ANKS3: variants seen among roughly 807,000 people sequenced by gnomAD.
ANKS3 encodes the protein ankyrin repeat and sterile alpha motif domain containing 3, also known as ankyrin repeat and SAM domain-containing protein 3.
ANKS3 carries 62 observed loss-of-function variants against 80.7 expected under a neutral mutation model. The observed-to-expected ratio is 0.77, with a 90% CI of 0.63 to 0.95. The LOEUF (loss-of-function observed/expected upper bound fraction) is 0.95. Ranked by LOEUF, ANKS3 falls within the 40% of genes least tolerant of loss-of-function variation. The probability of loss-of-function intolerance (pLI) is 0.00; values close to 1 mark genes in which losing one functional copy is unlikely to be tolerated. For synonymous variants in ANKS3, 489 were observed against 355.3 expected (o/e 1.38, Z -4.23); for missense variants, 1,150 against 883.6 (o/e 1.30, Z -3.82).
intron 14 of ANKS3, 80 bp from the exon 15 acceptor site, chr16:4,698,142 G>A (rs982830687): frequency 2.1e-6 from 3 of 1,456,090 alleles, no homozygotes; most frequent in Non-Finnish European, 2.8e-6. Context: ...TTCTAGGGGA[G>A]GGAGGGGCTC....
chr16:4,705,049 C>G, intron 8 of ANKS3, 46 bp downstream of exon 8: 1 of 1,597,470 alleles, frequency 6.3e-7, no homozygotes, highest in Non-Finnish European at 8.5e-7. Flanking sequence ...ACACAAAATC[C>G]TGGTATGCAA....
chr16:4,697,260 C>G (rs1029689778), intron 16 of ANKS3, 73 bp downstream of exon 16: 1 of 1,550,836 alleles, frequency 6.4e-7, no homozygotes, highest in Admixed American at 1.8e-5. Context: ...AACCCGCTTT[C>G]CCTGGAAAGG....
intron 3 of ANKS3, 64 bp from the exon 4 acceptor site, chr16:4,727,241 G>A: frequency 1.3e-6 from 2 of 1,559,404 alleles, no homozygotes; most frequent in South Asian, 1.1e-5. Context: ...CACCAAAGCT[G>A]GTGGCGAGGC....
At chr16:4,726,487 G>A (rs937409064) in intron 5 of ANKS3, among the ~76,000 whole-genome samples, 172 bp downstream of exon 5, 5 of 152,248 alleles carry the variant, frequency 3.3e-5, no homozygotes, top group Non-Finnish European at 7.3e-5. Context: ...GCATCTCACA[G>A]ATGTACGAAA....
At chr16:4,698,145 A>G in intron 14 of ANKS3, 83 bp from the exon 15 acceptor site, 1 of 1,439,862 alleles carries the variant, frequency 6.9e-7, no homozygotes, top group Non-Finnish European at 9.5e-7. Flanking sequence ...TAGGGGAGGG[A>G]GGGGCTCAGC....
chr16:4,719,546 T>TA (rs1217156539), intron 6 of ANKS3, among the ~76,000 whole-genome samples: 1 of 151,950 alleles, frequency 6.6e-6, no homozygotes, highest in Non-Finnish European at 1.5e-5. Context: ...CTCAGGTCTG[T>TA]AACTCCAGCA....
chr16:4,697,501 G>A, intron 15 of ANKS3, 85 bp from the exon 16 acceptor site: 4 of 1,150,506 alleles, frequency 3.5e-6, no homozygotes, highest in South Asian at 1.5e-5. Flanking sequence ...GCAACCAGGA[G>A]AACCTGCTTG....
rs745939141 is a variant in ANKS3 at position 4,701,464 on chromosome 16, G to A, written c.1089C>T (p.Leu363=). The stretch of plus-strand genomic sequence containing the variant: ...TGCTCTCCACAGAAGCTTCGCTGCT[G>A]AGCCCCTGGGCTCTGGCCAGGCCCT... ...SSEGLARAQG[L]SSEASVESNE... is the part of the protein sequence containing the mutation. The change falls in exon 10 of 18, where the codon CTC becomes CTT. Residue 363 remains leucine (L), a synonymous_variant. Coordinates refer to ENST00000304283, the MANE Select transcript of ANKS3 (RefSeq NM_133450.4). 3 of 1,609,072 alleles carry A rather than the reference G, an allele frequency of 1.9e-6. No individual in the cohort carries two copies. The Admixed American group carries it at 5.0e-5, about 27-fold the overall frequency.
intron 11 of ANKS3, 166 bp from the exon 12 acceptor site, chr16:4,699,342 G>T: frequency 1.1e-6 from 1 of 915,966 alleles, no homozygotes; most frequent in Non-Finnish European, 1.6e-6. Context: ...AGGCAGGGCA[G>T]GATGTTGCAG....
intron 7 of ANKS3, among the ~76,000 whole-genome samples, chr16:4,708,926 G>C (rs984713706): frequency 4.0e-5 from 6 of 150,040 alleles, no homozygotes; most frequent in Admixed American, 2.0e-4. Context: ...GCAACAGAGC[G>C]AGACTCTGTC....
At chr16:4,730,280 T>A in intron 2 of ANKS3, 129 bp from the exon 3 acceptor site, 1 of 832,472 alleles carries the variant, frequency 1.2e-6, no homozygotes, top group Non-Finnish European at 1.7e-6. Context: ...ACCCCGGGAG[T>A]AACTCAGACA....
At chr16:4,733,060 GTTAC>G (rs2081736725) in intron 1 of ANKS3, among the ~76,000 whole-genome samples, 1 of 151,790 alleles carries the variant, frequency 6.6e-6, no homozygotes, top group Non-Finnish European at 1.5e-5. Flanking sequence ...TAGAAGGATG[GTTAC>G]TTCTAGTGTA....
chr16:4,716,143 G>A (rs1024858429), intron 6 of ANKS3, among the ~76,000 whole-genome samples: 1 of 151,322 alleles, frequency 6.6e-6, no homozygotes, highest in Non-Finnish European at 1.5e-5. Flanking sequence ...GGAGCACAAG[G>A]TCAGGAGTTC....
intron 11 of ANKS3, chr16:4,700,736 T>C (rs770156171): frequency 1.1e-5 from 8 of 695,894 alleles, no homozygotes; most frequent in East Asian, 2.8e-5. Flanking sequence ...AACTCCAGTA[T>C]GGAAAGCAGG....
At chr16:4,710,334 C>T (rs946700358) in intron 7 of ANKS3, among the ~76,000 whole-genome samples, 1 of 152,160 alleles carries the variant, frequency 6.6e-6, no homozygotes, top group African/African-American at 2.4e-5. Flanking sequence ...TTGATCATTA[C>T]ACAGTGTATA....
At chr16:4,707,195 T>C (rs1306888447) in intron 7 of ANKS3, among the ~76,000 whole-genome samples, 1 of 151,432 alleles carries the variant, frequency 6.6e-6, no homozygotes, top group Admixed American at 6.6e-5. Flanking sequence ...AACAGGCAGA[T>C]GGAAACCACA....
intron 7 of ANKS3, among the ~76,000 whole-genome samples, chr16:4,711,098 A>ATTTTTTTTTTTTT (rs35899381): frequency 9.6e-6 from 1 of 104,476 alleles, no homozygotes; most frequent in Non-Finnish European, 1.9e-5. Context: ...CTGAAACAGA[A>ATTTTTTTTTTTTT]TTTTTTTTTT....
In ANKS3 at chr16:4,714,069, T is replaced by G; in HGVS notation, c.691A>C (p.Ser231Arg). 6.2e-7 allele frequency: 1 copy of G among 1,614,124 alleles called. No homozygotes were observed. The highest frequency in any genetic ancestry group is 8.5e-7 in the Non-Finnish European group (1 of 1,180,006). ...MDTYSPSLPK[S>R]LYRSPEKYED... The stretch of plus-strand genomic sequence containing the variant: ...TGGGTACCTGGGCTCCGATAGAGGC[T>G]CTTGGGCAGAGAGGGCGAGTAAGTG... The change falls in exon 7 of 18, where the codon AGC becomes CGC. Residue 231 changes from serine to arginine, a missense_variant. By Grantham distance (110) the Ser-to-Arg change is moderately radical (BLOSUM62 -1). Transcript: ENST00000304283.
chr16:4,730,436 G>C (rs1451727910), intron 2 of ANKS3, among the ~76,000 whole-genome samples: 1 of 152,186 alleles, frequency 6.6e-6, no homozygotes, highest in Non-Finnish European at 1.5e-5. Flanking sequence ...GCAGGCACCA[G>C]GTAAAAGAGA....
Sources: allele counts gnomAD v4.1 joint callset (sites outside exome capture counted in the v4.1 genomes callset), GRCh38; gene constraint gnomAD v4.1.1; transcripts MANE v1.5; gene names NCBI Gene and HGNC (gene_info 2026-07-23, HGNC 2026-07-21).